Variants in HLCS observed in about 807,000 individuals in gnomAD.
The protein encoded by HLCS is biotin--protein ligase.
In HLCS, 53 loss-of-function variants were observed where a neutral mutation model predicts 75.0. The observed-to-expected ratio is 0.71, with a 90% CI of 0.57 to 0.89. HLCS has a LOEUF of 0.89. HLCS is among the 40% of genes least tolerant of loss of function. The pLI is 0.00. For synonymous variants in HLCS, 431 were observed against 428.6 expected (o/e 1.01, Z -0.07); for missense variants, 966 against 1,074.0 (o/e 0.90, Z 1.41).
intron 6 of HLCS, among the ~76,000 whole-genome samples, chr21:36,893,556 G>A (rs1487929202): frequency 6.6e-6 from 1 of 152,148 alleles, no homozygotes; most frequent in Non-Finnish European, 1.5e-5. Context: ...GTGGAAGACA[G>A]TTTGTCCATG....
intron 2 of HLCS, among the ~76,000 whole-genome samples, chr21:36,944,324 A>AC (rs2067281296): frequency 6.6e-6 from 1 of 152,186 alleles, no homozygotes; most frequent in Non-Finnish European, 1.5e-5. Context: ...AACAGGAGAA[A>AC]CTAATTTACC....
chr21:36,925,382 A>G (rs2066356587), intron 5 of HLCS, among the ~76,000 whole-genome samples: 1 of 152,264 alleles, frequency 6.6e-6, no homozygotes, highest in South Asian at 2.1e-4. Flanking sequence ...GAACACCCAC[A>G]AGGTTCCCAA....
chr21:36,985,946 G>A (rs2069220653), intron 1 of HLCS, among the ~76,000 whole-genome samples: 1 of 152,132 alleles, frequency 6.6e-6, no homozygotes, highest in South Asian at 2.1e-4. Flanking sequence ...CCACTATAAA[G>A]GTTCCTTGTA....
At chr21:36,870,019 T>C (rs1308979879) in intron 6 of HLCS, among the ~76,000 whole-genome samples, 1 of 152,216 alleles carries the variant, frequency 6.6e-6, no homozygotes, top group African/African-American at 2.4e-5. Context: ...ACCTTTGAAT[T>C]GCAAAGAATC....
At chr21:36,759,111 G>A (rs2089723941) in intron 9 of HLCS, 1 of 470,990 alleles carries the variant, frequency 2.1e-6, no homozygotes, top group South Asian at 1.5e-5. Flanking sequence ...TGAAACACAT[G>A]GTTACATGTT....
rs1367975537 is a variant in HLCS at position 36,752,067 on chromosome 21, TA to T, written c.*2178del. 1 of 152,668 alleles carries T rather than the reference TA, an allele frequency of 6.6e-6. No homozygotes were observed. The highest frequency in any genetic ancestry group is 1.5e-5 in the Non-Finnish European group (1 of 68,046). 9.5% of individuals were successfully genotyped at this position (152,668 alleles called of 1,614,324 possible). A position where few individuals can be genotyped will look rare whatever the true frequency, so the allele number is the denominator to read the frequency against. On this transcript the variant is annotated 3_prime_UTR_variant, in exon 11 of 11. Coordinates refer to ENST00000674895, the MANE Select transcript of HLCS (RefSeq NM_001352514.2). Reference sequence around the variant, plus strand: ...CGAACAGCTATCAGTAAAATGCCTTTATTCAGCTAATTCTATAGAAGCGGAG... The same window carrying T: ...CGAACAGCTATCAGTAAAATGCCTTTTTCAGCTAATTCTATAGAAGCGGAG...
intron 6 of HLCS, among the ~76,000 whole-genome samples, chr21:36,891,011 T>C (rs571906532): frequency 2.6e-5 from 4 of 152,346 alleles, no homozygotes; most frequent in East Asian, 3.9e-4. Flanking sequence ...TCCTTAGTGA[T>C]AGAAGCCTGG....
rs765288514 is a variant in HLCS at position 36,749,756 on chromosome 21, G to C, written c.*4490C>G. On this transcript the variant is annotated 3_prime_UTR_variant, in exon 11 of 11. Transcript: ENST00000674895. ...AAAGGTGTAGGTTTGATTACTAGGA[G>C]ATACCACCGACATTTTTCAATAAAG... The C allele has an allele frequency of 1.3e-5, 2 of 152,122 alleles. No individual in the cohort carries two copies. The highest frequency in any genetic ancestry group is 2.4e-5 in the African/African-American group (1 of 41,436). The allele number at this position is 152,122 out of a possible 1,614,324, so 9.4% of individuals were successfully genotyped here. A position where few individuals can be genotyped will look rare whatever the true frequency, so the allele number is the denominator to read the frequency against.
At chr21:36,845,736 T>C (rs182610996) in intron 6 of HLCS, among the ~76,000 whole-genome samples, 7 of 152,254 alleles carry the variant, frequency 4.6e-5, no homozygotes, top group African/African-American at 1.4e-4. Flanking sequence ...GCTGCACGTG[T>C]AATCGTTACT....
At chr21:36,775,464 T>C (rs960126744) in intron 6 of HLCS, among the ~76,000 whole-genome samples, 13 of 152,364 alleles carry the variant, frequency 8.5e-5, no homozygotes, top group African/African-American at 2.6e-4. Flanking sequence ...AATTTACAGA[T>C]GAGCAAAGAA....
chr21:36,787,830 G>A (rs767074068), intron 6 of HLCS, among the ~76,000 whole-genome samples: 8 of 152,162 alleles, frequency 5.3e-5, no homozygotes, highest in African/African-American at 9.7e-5. Context: ...TCAGGGTTAC[G>A]TAGACACTGG....
chr21:36,859,025 T>C (rs562363963), intron 6 of HLCS, among the ~76,000 whole-genome samples: 1 of 152,256 alleles, frequency 6.6e-6, no homozygotes, highest in South Asian at 2.1e-4. Flanking sequence ...GAGTTTTTTG[T>C]TTTTTGTTTT....
intron 6 of HLCS, among the ~76,000 whole-genome samples, chr21:36,776,693 G>A (rs143621353): frequency 3.3e-4 from 50 of 152,274 alleles, no homozygotes; most frequent in African/African-American, 1.2e-3. Flanking sequence ...GATTACAGGC[G>A]TGAGCCACCG....
In HLCS at chr21:36,966,425, G is replaced by GGCCCCCCCCCC; in HGVS notation, c.195+18_195+19insGGGGGGGGGGC. 1.5e-5 allele frequency: 3 copies of GGCCCCCCCCCC among 195,440 alleles called. No homozygotes were observed. Among genetic ancestry groups the GGCCCCCCCCCC allele is most frequent in the Non-Finnish European group, 2.6e-5 (3 of 116,692 alleles). The allele number at this position is 195,440 out of a possible 1,614,324, so 12.1% of individuals were successfully genotyped here. On this transcript the variant is annotated intron_variant, in intron 1 of 10. Transcript: ENST00000674895. ...CCGGCTCGCGGGGCCCGGGTCGCCC[G>GGCCCCCCCCCC]CCCGCCCGACCCGCCCACCTGGCTG...
chr21:36,862,942 TC>T (rs2063430020), intron 6 of HLCS, among the ~76,000 whole-genome samples: 5 of 137,342 alleles, frequency 3.6e-5, no homozygotes, highest in Middle Eastern at 3.7e-3. Context: ...TTTCTCTTTC[TC>T]TCTTTTTTTT....
At chr21:36,898,254 T>G (rs1012896409) in intron 5 of HLCS, among the ~76,000 whole-genome samples, 4 of 151,976 alleles carry the variant, frequency 2.6e-5, no homozygotes, top group African/African-American at 9.7e-5. Flanking sequence ...AAGACCAGCC[T>G]GACCAACATG....
intron 6 of HLCS, among the ~76,000 whole-genome samples, chr21:36,879,058 G>A (rs55678251): frequency 0.029 from 2 of 70 alleles, no homozygotes; most frequent in African/African-American, 0.077. Context: ...ATTTAGCATA[G>A]TACTGTCACA....
chr21:36,854,850 T>C (rs2063132209), intron 6 of HLCS, among the ~76,000 whole-genome samples: 1 of 152,236 alleles, frequency 6.6e-6, no homozygotes, highest in Non-Finnish European at 1.5e-5. Context: ...TTCACAATGA[T>C]CTGACTTGAG....
At chr21:36,874,229 C>T (rs1028823802) in intron 6 of HLCS, among the ~76,000 whole-genome samples, 11 of 151,910 alleles carry the variant, frequency 7.2e-5, no homozygotes, top group South Asian at 6.2e-4. Context: ...AGTGAAACCC[C>T]GTCTCTACTA....
Sources: gnomAD v4.1 joint callset for allele counts (sites outside exome capture counted in the v4.1 genomes callset) on GRCh38, gnomAD v4.1.1 for gene constraint, MANE v1.5 for transcripts, NCBI Gene and HGNC (gene_info 2026-07-23, HGNC 2026-07-21) for gene names.